NETO2: variants seen among roughly 807,000 people sequenced by gnomAD.
The protein encoded by NETO2 is neuropilin and tolloid like 2, also known as neuropilin and tolloid-like protein 2.
A neutral mutation model predicts 62.5 loss-of-function variants in NETO2; 28 were observed. That is an observed-to-expected ratio of 0.45 (90% confidence interval 0.33 to 0.61). The LOEUF is 0.61. Among genes scored for constraint, NETO2 ranks in the 20% least tolerant of loss-of-function variants. The pLI is 0.02. For missense variants in NETO2, 548 were observed against 643.2 expected (o/e 0.85, Z 1.60); for synonymous variants, 214 against 219.1 (o/e 0.98, Z 0.21).
At chr16:47,140,112 G>A (rs1964432919) in intron 1 of NETO2, among the ~76,000 whole-genome samples, 1 of 152,208 alleles carries the variant, frequency 6.6e-6, no homozygotes, top group East Asian at 1.9e-4. Context: ...GAGCCACCCT[G>A]GTGTTTGAGG....
chr16:47,092,098 T>C (rs1453916462), intron 7 of NETO2, among the ~76,000 whole-genome samples: 1 of 150,380 alleles, frequency 6.6e-6, no homozygotes, highest in Non-Finnish European at 1.5e-5. Context: ...TCTTCCCACC[T>C]TGGCCTCCCA....
chr16:47,104,339 T>C (rs532700907), intron 7 of NETO2, among the ~76,000 whole-genome samples: 3 of 152,322 alleles, frequency 2.0e-5, no homozygotes, highest in South Asian at 2.1e-4. Context: ...GCAAAACATT[T>C]GTATGCTGAA....
rs118011245 is a variant in NETO2, at chr16:47,131,092, T to G, written c.91+877A>C. On this transcript the variant is annotated intron_variant, in intron 2 of 8. Coordinates refer to ENST00000562435, the MANE Select transcript of NETO2 (RefSeq NM_018092.5). Reference sequence around the variant, plus strand: ...TAAAACAGAAAAAAAAAAAAAAGATTTCCTAAAGATAAAATTCAGCTGAAT... The same window carrying G: ...TAAAACAGAAAAAAAAAAAAAAGATGTCCTAAAGATAAAATTCAGCTGAAT... 2.7e-3 allele frequency among the ~76,000 whole-genome samples: 407 copies of G among 151,792 alleles called. 3 individuals are homozygous for G. The East Asian group carries it at 0.031, about 12-fold the overall frequency.
At chr16:47,126,641 T>A (rs540224113) in intron 4 of NETO2, among the ~76,000 whole-genome samples, 2 of 152,288 alleles carry the variant, frequency 1.3e-5, no homozygotes, top group East Asian at 3.9e-4. Flanking sequence ...GTGATAATGA[T>A]GCATGGATGT....
chr16:47,135,390 C>G (rs1470588782), intron 1 of NETO2, among the ~76,000 whole-genome samples: 1 of 149,474 alleles, frequency 6.7e-6, no homozygotes, highest in Non-Finnish European at 1.5e-5. Context: ...TATAGGAAGG[C>G]GCTAATTCTA....
chr16:47,109,433 G>A, intron 7 of NETO2, 50 bp downstream of exon 7: 1 of 1,347,950 alleles, frequency 7.4e-7, no homozygotes, highest in Non-Finnish European at 1.1e-6. Flanking sequence ...TACTGTGAAT[G>A]AGTGAAAAAT....
At position 47,080,953 on chromosome 16, in the gene NETO2, ACTGT is replaced by A. The variant is rs1320881556; in HGVS notation, c.*2264_*2267del. On this transcript the variant is annotated 3_prime_UTR_variant, in exon 9 of 9. Coordinates refer to ENST00000562435, the MANE Select transcript of NETO2 (RefSeq NM_018092.5). ...AGCCAGAAAATTCAGAACCAAACTT[ACTGT>A]CTAAATGTTACTTGCTACATTGACT... 14 of 152,322 alleles carry A rather than the reference ACTGT, an allele frequency of 9.2e-5. No homozygotes were observed. Among genetic ancestry groups the A allele is most frequent in the African/African-American group, 2.4e-4 (10 of 41,598 alleles). 9.4% of individuals were successfully genotyped at this position (152,322 alleles called of 1,614,324 possible).
chr16:47,130,958 G>A (rs1964254299), intron 2 of NETO2, among the ~76,000 whole-genome samples: 1 of 148,822 alleles, frequency 6.7e-6, no homozygotes, highest in African/African-American at 2.5e-5. Context: ...CAAAAAGATG[G>A]AAAACAGAAG....
intron 1 of NETO2, among the ~76,000 whole-genome samples, chr16:47,139,720 C>G (rs564749992): frequency 3.0e-4 from 46 of 152,356 alleles, no homozygotes; most frequent in Non-Finnish European, 5.6e-4. Context: ...TGGGATCACT[C>G]CAGCCTACAT....
rs190713990 is a variant in NETO2, at chr16:47,121,730, C to T, written c.654+927G>A. Reference sequence around the variant, plus strand: ...TCAGTATGGGAATTAAAAGGAAGCTCCCAGTATGTCTACCCCTGTGCAGTA... The same window carrying T: ...TCAGTATGGGAATTAAAAGGAAGCTTCCAGTATGTCTACCCCTGTGCAGTA... On this transcript the variant is annotated intron_variant, in intron 6 of 8. Transcript: ENST00000562435. Among the ~76,000 whole-genome samples the T allele has an allele frequency of 2.0e-5, 3 of 152,302 alleles. No individual in the cohort carries two copies. The East Asian group carries it at 5.8e-4, about 29-fold the overall frequency.
At chr16:47,142,784 T>C (rs974286235) in intron 1 of NETO2, among the ~76,000 whole-genome samples, 1 of 152,240 alleles carries the variant, frequency 6.6e-6, no homozygotes, top group African/African-American at 2.4e-5. Context: ...TACCACCTCC[T>C]GGGAAATGCA....
intron 4 of NETO2, among the ~76,000 whole-genome samples, chr16:47,123,265 T>C (rs913734185): frequency 5.3e-5 from 8 of 152,344 alleles, no homozygotes; most frequent in African/African-American, 1.7e-4. Context: ...ATTTGTCTTC[T>C]AAACTTCGGC....
chr16:47,118,174 C>T (rs529014969), intron 6 of NETO2, among the ~76,000 whole-genome samples: 2 of 151,804 alleles, frequency 1.3e-5, no homozygotes, highest in East Asian at 1.9e-4. Flanking sequence ...AAGTTGTGTT[C>T]GCACTGCAAA....
At chr16:47,110,567 C>A (rs1963774097) in intron 6 of NETO2, among the ~76,000 whole-genome samples, 1 of 152,194 alleles carries the variant, frequency 6.6e-6, no homozygotes, top group African/African-American at 2.4e-5. Context: ...GCGTCCTTCT[C>A]ATTCCATGAA....
At chr16:47,130,092 G>C (rs778603353) in intron 2 of NETO2, among the ~76,000 whole-genome samples, 10 of 152,134 alleles carry the variant, frequency 6.6e-5, no homozygotes, top group Non-Finnish European at 7.3e-5. Context: ...AAAACAACAG[G>C]GTTACTGGAC....
chr16:47,129,802 C>T (rs750233441), intron 2 of NETO2, among the ~76,000 whole-genome samples: 13 of 152,256 alleles, frequency 8.5e-5, no homozygotes, highest in Non-Finnish European at 1.3e-4. Flanking sequence ...AATACATGCA[C>T]GTAGCTGAGC....
intron 8 of NETO2, among the ~76,000 whole-genome samples, chr16:47,084,792 C>T (rs1282342659): frequency 6.6e-6 from 1 of 152,182 alleles, no homozygotes; most frequent in Non-Finnish European, 1.5e-5. Context: ...CTGTCACTGT[C>T]TCTCATCACC....
In NETO2 at chr16:47,128,291, T is replaced by A. The variant is rs929796673; in HGVS notation, c.481+34A>T. 2.5e-6 allele frequency: 4 copies of A among 1,594,866 alleles called. No individual in the cohort carries two copies. The Admixed American group carries it at 5.2e-5, about 21-fold the overall frequency. On this transcript the variant is annotated intron_variant, in intron 4 of 8. Coordinates refer to ENST00000562435, the MANE Select transcript of NETO2 (RefSeq NM_018092.5). Reference sequence around the variant, plus strand: ...TTCTAAAATCAGAGTTAGAGTGAGATGCCCAACCACTTAAAAGATAACTTA... The same window carrying A: ...TTCTAAAATCAGAGTTAGAGTGAGAAGCCCAACCACTTAAAAGATAACTTA...
Position 47,081,430 on chromosome 16 carries a change from TAAA to T in NETO2, c.*1788_*1790del, listed in dbSNP as rs1244911710. ...TTTAAAACAAGAAACTAGGCTGACT[TAAA>T]AAAATTTAAATCATGAATACATTAT... On this transcript the variant is annotated 3_prime_UTR_variant, in exon 9 of 9. Coordinates refer to ENST00000562435, the MANE Select transcript of NETO2 (RefSeq NM_018092.5). 1.3e-5 allele frequency: 2 copies of T among 152,398 alleles called. No individual in the cohort carries two copies. Among genetic ancestry groups the T allele is most frequent in the Admixed American group, 1.3e-4 (2 of 15,268 alleles). 9.4% of individuals were successfully genotyped at this position (152,398 alleles called of 1,614,324 possible).
Sources: allele counts gnomAD v4.1 joint callset (sites outside exome capture counted in the v4.1 genomes callset), GRCh38; gene constraint gnomAD v4.1.1; transcripts MANE v1.5; gene names NCBI Gene and HGNC (gene_info 2026-07-23, HGNC 2026-07-21).